PAWR: variants seen among roughly 807,000 people sequenced by gnomAD.
PAWR encodes PRKC apoptosis WT1 regulator protein.
In PAWR, 23 loss-of-function variants were observed where a neutral mutation model predicts 32.0. The observed-to-expected ratio is 0.72, with a 90% CI of 0.52 to 1.02. The LOEUF (loss-of-function observed/expected upper bound fraction) is 1.02. Among genes scored for constraint, PAWR ranks in the 50% least tolerant of loss-of-function variants. PAWR has a pLI of 0.00. For synonymous variants in PAWR, 226 were observed against 187.1 expected (o/e 1.21, Z -1.70); for missense variants, 457 against 437.7 (o/e 1.04, Z -0.39).
intron 2 of PAWR, among the ~76,000 whole-genome samples, chr12:79,686,858 C>T (rs994114146): frequency 2.0e-5 from 3 of 152,100 alleles, no homozygotes; most frequent in African/African-American, 4.8e-5. Context: ...ACTGTTAACT[C>T]AGTACTTAAA....
intron 4 of PAWR, among the ~76,000 whole-genome samples, chr12:79,610,910 A>G (rs1874406121): frequency 6.6e-6 from 1 of 151,546 alleles, no homozygotes; most frequent in Non-Finnish European, 1.5e-5. Flanking sequence ...ACACATTTTT[A>G]TAAGGAAAAC....
In PAWR at chr12:79,596,416, G is replaced by T. The variant is rs909282890; in HGVS notation, c.831+95C>A. The T allele has an allele frequency of 5.9e-5, 37 of 629,540 alleles. No homozygotes were observed. The African/African-American group carries it at 7.0e-4, about 12-fold the overall frequency. The allele number at this position is 629,540 out of a possible 1,614,324, so 39.0% of individuals were successfully genotyped here. A position where few individuals can be genotyped will look rare whatever the true frequency, so the allele number is the denominator to read the frequency against. On this transcript the variant is annotated intron_variant, in intron 5 of 6. Coordinates refer to ENST00000328827, the MANE Select transcript of PAWR (RefSeq NM_002583.4). The stretch of plus-strand genomic sequence containing the variant: ...GAAAAGCGCACATATTAAATATTAA[G>T]GAATATTATTTCCTTTCTCACTCAG...
intron 4 of PAWR, among the ~76,000 whole-genome samples, chr12:79,607,429 A>G (rs1259869612): frequency 6.6e-6 from 1 of 152,168 alleles, no homozygotes; most frequent in South Asian, 2.1e-4. Flanking sequence ...CCACCGTTAA[A>G]GAATCTGGCT....
intron 2 of PAWR, among the ~76,000 whole-genome samples, chr12:79,632,320 T>TATATATATATATATATATATATAC (rs1875696353): frequency 3.6e-5 from 1 of 27,866 alleles, no homozygotes; most frequent in Non-Finnish European, 5.2e-5. Flanking sequence ...TACATATATA[T>TATATATATATATATATATATATAC]ATATATATAT....
chr12:79,647,624 C>T (rs1876638662), intron 2 of PAWR, among the ~76,000 whole-genome samples: 1 of 152,192 alleles, frequency 6.6e-6, no homozygotes, highest in Non-Finnish European at 1.5e-5. Flanking sequence ...ACTTCTACTA[C>T]ATGCTAGGCA....
intron 2 of PAWR, among the ~76,000 whole-genome samples, chr12:79,678,680 A>G (rs1878289487): frequency 6.6e-6 from 1 of 152,224 alleles, no homozygotes; most frequent in Non-Finnish European, 1.5e-5. Context: ...CATGCAATAT[A>G]AAGTTATTAT....
In PAWR at chr12:79,585,062, T is replaced by G; in HGVS notation, c.*7545A>C. 2.6e-6 allele frequency: 1 copy of G among 389,938 alleles called. No homozygotes were observed. Among genetic ancestry groups the G allele is most frequent in the Non-Finnish European group, 4.9e-6 (1 of 202,484 alleles). 24.2% of individuals were successfully genotyped at this position (389,938 alleles called of 1,614,324 possible). On this transcript the variant is annotated 3_prime_UTR_variant, in exon 7 of 7. Transcript: ENST00000328827. ...TTGAGTTTCAGAAAGAATACTAAATTAATGGGGGTTATGTCAGGATGCCAA... is the reference window on the plus strand; with the variant it reads ...TTGAGTTTCAGAAAGAATACTAAATGAATGGGGGTTATGTCAGGATGCCAA...
At chr12:79,619,680 A>G (rs538651820) in intron 3 of PAWR, among the ~76,000 whole-genome samples, 1 of 152,294 alleles carries the variant, frequency 6.6e-6, no homozygotes, top group African/African-American at 2.4e-5. Context: ...TACTGGTCTT[A>G]AAAGTTTCAA....
chr12:79,614,856 G>A (rs1874649686), intron 3 of PAWR, among the ~76,000 whole-genome samples: 1 of 152,176 alleles, frequency 6.6e-6, no homozygotes, highest in Admixed American at 6.5e-5. Context: ...ATTAAGAGGA[G>A]GGATCGGATC....
intron 2 of PAWR, among the ~76,000 whole-genome samples, chr12:79,643,370 A>G (rs1230688663): frequency 1.3e-5 from 2 of 152,190 alleles, no homozygotes; most frequent in African/African-American, 4.8e-5. Context: ...AATTTAAGGT[A>G]CAACACAAAC....
intron 2 of PAWR, among the ~76,000 whole-genome samples, chr12:79,648,946 A>G (rs1319139474): frequency 6.6e-6 from 1 of 152,204 alleles, no homozygotes; most frequent in Non-Finnish European, 1.5e-5. Context: ...ATGTGCTTTT[A>G]ATTTCTCTGA....
intron 2 of PAWR, among the ~76,000 whole-genome samples, chr12:79,650,954 G>A (rs1026745346): frequency 6.6e-6 from 1 of 152,132 alleles, no homozygotes; most frequent in Admixed American, 6.5e-5. Flanking sequence ...AGTGCTTTAA[G>A]GGAATAATAT....
intron 2 of PAWR, among the ~76,000 whole-genome samples, chr12:79,672,795 C>A (rs895694009): frequency 1.3e-5 from 2 of 151,758 alleles, no homozygotes; most frequent in African/African-American, 2.4e-5. Context: ...ATAAAATAAT[C>A]CTAATTTGTT....
At chr12:79,654,654 C>T (rs544594115) in intron 2 of PAWR, among the ~76,000 whole-genome samples, 2 of 152,190 alleles carry the variant, frequency 1.3e-5, no homozygotes, top group Non-Finnish European at 2.9e-5. Flanking sequence ...CACAGTTCCA[C>T]ATGGCTGTGG....
At chr12:79,671,083 GTT>G (rs1168933817) in intron 2 of PAWR, among the ~76,000 whole-genome samples, 1 of 138,436 alleles carries the variant, frequency 7.2e-6, no homozygotes, top group East Asian at 2.3e-4. Context: ...AAGCCTAGGA[GTT>G]TGAGTCTAGC....
chr12:79,662,297 T>G (rs1205039671), intron 2 of PAWR, among the ~76,000 whole-genome samples: 1 of 152,076 alleles, frequency 6.6e-6, no homozygotes, highest in Non-Finnish European at 1.5e-5. Flanking sequence ...AGTTCACATT[T>G]GAAAAAACAG....
At chr12:79,629,263 T>C (rs1875490810) in intron 2 of PAWR, among the ~76,000 whole-genome samples, 2 of 151,948 alleles carry the variant, frequency 1.3e-5, no homozygotes, top group African/African-American at 2.4e-5. Context: ...CACATTTAAA[T>C]AGAATGACAC....
At chr12:79,632,361 A>ATATTTTTTTTTTTTT (rs1566011212) in intron 2 of PAWR, among the ~76,000 whole-genome samples, 1 of 20,606 alleles carries the variant, frequency 4.9e-5, no homozygotes, top group Non-Finnish European at 7.7e-5. Context: ...ATATATATAT[A>ATATTTTTTTTTTTTT]TTTTTTTTTT....
At chr12:79,663,401 T>C (rs551892371) in intron 2 of PAWR, among the ~76,000 whole-genome samples, 45 of 152,196 alleles carry the variant, frequency 3.0e-4, no homozygotes, top group Non-Finnish European at 3.5e-4. Context: ...CAGAATTACC[T>C]GGGAAGATTT....
Sources: allele counts gnomAD v4.1 joint callset (sites outside exome capture counted in the v4.1 genomes callset), GRCh38; gene constraint gnomAD v4.1.1; transcripts MANE v1.5; gene names NCBI Gene and HGNC (gene_info 2026-07-23, HGNC 2026-07-21).